Variants in EYS observed in about 807,000 individuals in gnomAD.
The protein encoded by EYS is EGF-like photoreceptor maintenance factor.
EYS carries 250 observed loss-of-function variants against 282.1 expected under a neutral mutation model. That is an observed-to-expected ratio of 0.89 (90% CI 0.80 to 0.98). EYS has a LOEUF of 0.98. EYS is among the 50% of genes least tolerant of loss of function. The pLI, the probability that EYS is intolerant of heterozygous loss-of-function variation, is 0.00. For synonymous variants in EYS, 1,355 were observed against 1,282.9 expected, an observed-to-expected ratio of 1.06 and a Z score of -1.20; for missense variants, 4,016 against 3,709.0, an observed-to-expected ratio of 1.08 and a Z score of -2.15.
chr6:63,739,432 T>C (rs986767633), intron 41 of EYS, among the ~76,000 whole-genome samples: 1 of 152,148 alleles, frequency 6.6e-6, no homozygotes, highest in Non-Finnish European at 1.5e-5. Flanking sequence ...CCTCTCTTCC[T>C]GTCATCTTCT....
intron 12 of EYS, among the ~76,000 whole-genome samples, chr6:65,088,132 C>T (rs548952643): frequency 6.6e-6 from 1 of 152,242 alleles, no homozygotes; most frequent in South Asian, 2.1e-4. Context: ...AAACTTCTTT[C>T]CTTTGTAAAT....
chr6:64,616,320 T>C (rs2149848525), intron 24 of EYS, among the ~76,000 whole-genome samples: 1 of 152,284 alleles, frequency 6.6e-6, no homozygotes, highest in Middle Eastern at 3.4e-3. Flanking sequence ...GCATCTGATA[T>C]TTTTCTCCAA....
chr6:65,334,917 A>C, intron 11 of EYS, 63 bp downstream of exon 11: 2 of 1,463,512 alleles, frequency 1.4e-6, no homozygotes, highest in Admixed American at 3.4e-5. Flanking sequence ...CAGTTCGATG[A>C]CTATCAATTT....
chr6:63,776,222 G>A (rs527477238), intron 40 of EYS, among the ~76,000 whole-genome samples: 29 of 152,074 alleles, frequency 1.9e-4, no homozygotes, highest in Non-Finnish European at 3.8e-4. Flanking sequence ...GCCAACTGAA[G>A]ATAATTTCAA....
Position 65,646,663 on chromosome 6 carries a change from G to A in EYS, c.-447-6771C>T, listed in dbSNP as rs532510934. ...ACTTCTATTCAACACAGTACTTGAA[G>A]TTCTAGCTAGAGCAATCAGACCAGA... On this transcript the variant is annotated intron_variant, in intron 1 of 42. Coordinates refer to ENST00000503581, the MANE Select transcript of EYS (RefSeq NM_001142800.2). 2.6e-5 allele frequency among the ~76,000 whole-genome samples: 4 copies of A among 152,292 alleles called. No individual in the cohort carries two copies. In the East Asian group the frequency reaches 5.8e-4, roughly 22 times the overall value.
At chr6:64,902,317 G>T in intron 17 of EYS, 87 bp downstream of exon 17, 1 of 1,295,780 alleles carries the variant, frequency 7.7e-7, no homozygotes, top group Non-Finnish European at 1.1e-6. Context: ...AATTATAATT[G>T]TTGCTTAATT....
chr6:65,398,070 G>T (rs527484447), intron 7 of EYS, among the ~76,000 whole-genome samples: 14 of 151,816 alleles, frequency 9.2e-5, no homozygotes, highest in African/African-American at 3.4e-4. Context: ...AAAAATATTT[G>T]TTCATGCCTT....
chr6:65,100,780 A>G (rs968365674), intron 12 of EYS, among the ~76,000 whole-genome samples: 2 of 150,896 alleles, frequency 1.3e-5, no homozygotes, highest in African/African-American at 4.8e-5. Context: ...TCCAAAAAAA[A>G]AAATAGAATA....
chr6:64,023,210 T>C (rs907412555), intron 33 of EYS, among the ~76,000 whole-genome samples: 1 of 152,270 alleles, frequency 6.6e-6, no homozygotes, highest in East Asian at 1.9e-4. Context: ...TAGGTCTGAA[T>C]AGCATTTCAT....
At chr6:64,417,549 T>A (rs947364818) in intron 28 of EYS, among the ~76,000 whole-genome samples, 14 of 152,144 alleles carry the variant, frequency 9.2e-5, no homozygotes, top group Admixed American at 6.5e-4. Flanking sequence ...TATAAAGCAG[T>A]GACATTCAGG....
At chr6:64,887,646 C>T (rs2150063916) in intron 18 of EYS, among the ~76,000 whole-genome samples, 1 of 152,110 alleles carries the variant, frequency 6.6e-6, no homozygotes, top group Non-Finnish European at 1.5e-5. Context: ...CATTTTATAA[C>T]CACAGAAGTC....
intron 31 of EYS, among the ~76,000 whole-genome samples, chr6:64,106,227 T>TA (rs1554207917): frequency 6.6e-6 from 1 of 152,058 alleles, no homozygotes; most frequent in Non-Finnish European, 1.5e-5. Flanking sequence ...GAACTTTTTT[T>TA]AAAAAAACTT....
chr6:64,446,494 A>C (rs1775120973), intron 26 of EYS, among the ~76,000 whole-genome samples: 1 of 152,142 alleles, frequency 6.6e-6, no homozygotes, highest in South Asian at 2.1e-4. Context: ...ACCACATATT[A>C]CTTTTAATAA....
At chr6:65,246,587 A>G (rs1460170780) in intron 12 of EYS, among the ~76,000 whole-genome samples, 1 of 152,048 alleles carries the variant, frequency 6.6e-6, no homozygotes, top group Non-Finnish European at 1.5e-5. Context: ...CCCCATAGTA[A>G]TATTTTTTTC....
chr6:64,530,289 T>A (rs1764284539), intron 26 of EYS, among the ~76,000 whole-genome samples: 1 of 152,020 alleles, frequency 6.6e-6, no homozygotes, highest in Non-Finnish European at 1.5e-5. Context: ...CATTAAATAT[T>A]TAATGAACAA....
intron 12 of EYS, among the ~76,000 whole-genome samples, chr6:65,082,077 C>T (rs886703850): frequency 6.6e-6 from 1 of 152,066 alleles, no homozygotes; most frequent in East Asian, 1.9e-4. Context: ...TATTACAGTT[C>T]TCATTCTCAA....
At chr6:65,365,260 T>G (rs946330101) in intron 8 of EYS, among the ~76,000 whole-genome samples, 1 of 151,738 alleles carries the variant, frequency 6.6e-6, no homozygotes, top group African/African-American at 2.4e-5. Context: ...CTCACTCATA[T>G]TTTTCCAGGA....
chr6:65,620,209 T>C (rs1440072215), intron 2 of EYS, among the ~76,000 whole-genome samples: 3 of 152,228 alleles, frequency 2.0e-5, no homozygotes, highest in Non-Finnish European at 2.9e-5. Context: ...TGGTAAGCTA[T>C]TGATCATTGC....
At chr6:64,571,402 C>G (rs1164580360) in intron 26 of EYS, among the ~76,000 whole-genome samples, 1 of 152,064 alleles carries the variant, frequency 6.6e-6, no homozygotes, top group Admixed American at 6.6e-5. Flanking sequence ...CAAAAACCAG[C>G]AGAAGACAAG....
Sources: gnomAD v4.1 joint callset for allele counts (sites outside exome capture counted in the v4.1 genomes callset) on GRCh38, gnomAD v4.1.1 for gene constraint, MANE v1.5 for transcripts, NCBI Gene and HGNC (gene_info 2026-07-23, HGNC 2026-07-21) for gene names.